The following PPHLN1 variants were observed in gnomAD, a reference collection of about 807,000 sequenced individuals.
PPHLN1 encodes the protein periphilin 1.
PPHLN1 carries 29 observed loss-of-function variants against 51.3 expected under a neutral mutation model. The observed-to-expected ratio is 0.57, with a 90% CI of 0.42 to 0.77. The LOEUF (loss-of-function observed/expected upper bound fraction) is 0.77. Ranked by LOEUF, PPHLN1 falls within the 30% of genes least tolerant of loss-of-function variation. The pLI, the probability that PPHLN1 is intolerant of heterozygous loss-of-function variation, is 0.00. For synonymous variants in PPHLN1, 147 were observed against 147.8 expected, an observed-to-expected ratio of 0.99 and a Z score of 0.04; for missense variants, 436 against 438.4, an observed-to-expected ratio of 0.99 and a Z score of 0.05.
At chr12:42,378,418 TG>T (rs953089880) in intron 5 of PPHLN1, among the ~76,000 whole-genome samples, 39 of 152,218 alleles carry the variant, frequency 2.6e-4, no homozygotes, top group African/African-American at 8.9e-4. Context: ...TTGCAGCACC[TG>T]GCTTTTTTTC....
intron 8 of PPHLN1, among the ~76,000 whole-genome samples, chr12:42,394,744 TC>T (rs556411070): frequency 1.2e-3 from 177 of 152,208 alleles, no homozygotes; most frequent in African/African-American, 4.1e-3. Context: ...ACCAAGCTGT[TC>T]CTTCTTGGTA....
At chr12:42,440,197 A>T (rs2082827412) in intron 9 of PPHLN1, among the ~76,000 whole-genome samples, 2 of 151,538 alleles carry the variant, frequency 1.3e-5, no homozygotes, top group Admixed American at 6.6e-5. Context: ...AATCTTGTAT[A>T]TATTTTGTTA....
downstream of PPHLN1, chr12:42,445,764 C>A: frequency 3.8e-6 from 2 of 528,766 alleles, no homozygotes; most frequent in Admixed American, 3.8e-5. Flanking sequence ...AGTAAAGACC[C>A]TGCAACACTA....
At position 42,399,612 on chromosome 12, in the gene PPHLN1, A is replaced by T. The variant is rs190460985; in HGVS notation, c.909+618A>T. 188 of 197,824 alleles carry T rather than the reference A, an allele frequency of 9.5e-4. 2 individuals carry two copies. The highest frequency in any genetic ancestry group is 4.6e-3 in the Admixed American group (70 of 15,356). The allele number at this position is 197,824 out of a possible 1,614,324, so 12.3% of individuals were successfully genotyped here. Reference sequence around the variant, plus strand: ...GCGTTGAATAAATGTAATTACATTGATAATAATATTCTAAAACCTATTGGA... The same window carrying T: ...GCGTTGAATAAATGTAATTACATTGTTAATAATATTCTAAAACCTATTGGA... On this transcript the variant is annotated intron_variant, in intron 9 of 9. Coordinates refer to ENST00000358314, the MANE Select transcript of PPHLN1 (RefSeq NM_201439.2).
downstream of PPHLN1, chr12:42,448,014 C>T (rs1297559103): frequency 6.6e-6 from 1 of 152,134 alleles, no homozygotes; most frequent in Non-Finnish European, 1.5e-5. Context: ...TTATTTGTTA[C>T]CCACCTTAGA....
intron 1 of PPHLN1, among the ~76,000 whole-genome samples, chr12:42,330,288 G>A (rs2069502530): frequency 6.6e-6 from 1 of 152,104 alleles, no homozygotes; most frequent in African/African-American, 2.4e-5. Flanking sequence ...GGAGGCAGAG[G>A]CCTTCCTCTT....
At chr12:42,413,678 C>T (rs1189887452) in intron 9 of PPHLN1, among the ~76,000 whole-genome samples, 1 of 151,760 alleles carries the variant, frequency 6.6e-6, no homozygotes, top group Non-Finnish European at 1.5e-5. Context: ...TCTCCTGTCT[C>T]AGCTTCTGGA....
At chr12:42,353,840 T>C (rs1253588663) in intron 3 of PPHLN1, among the ~76,000 whole-genome samples, 1 of 152,218 alleles carries the variant, frequency 6.6e-6, no homozygotes, top group African/African-American at 2.4e-5. Flanking sequence ...TAAAAACTTG[T>C]AGCATAATAA....
At chr12:42,437,134 C>T (rs751269192) in intron 9 of PPHLN1, among the ~76,000 whole-genome samples, 2 of 152,228 alleles carry the variant, frequency 1.3e-5, no homozygotes, top group Non-Finnish European at 2.9e-5. Flanking sequence ...GATGTCTAAG[C>T]TCCTTGAAGG....
At position 42,374,978 on chromosome 12, in the gene PPHLN1, G is replaced by T; in HGVS notation, c.415G>T (p.Asp139Tyr). The change falls in exon 5 of 10, where the codon GAT (aspartate) becomes TAT (tyrosine). Residue 139 changes from aspartate to tyrosine, a missense_variant. By Grantham distance (160) the Asp-to-Tyr change is radical (BLOSUM62 -3). Coordinates refer to ENST00000358314, the MANE Select transcript of PPHLN1 (RefSeq NM_201439.2). ...CAGAGAATCACCTGTTGGCCGAAAG[G>T]ATTCTCCACACAGCAGATCTGGTTC... Reference protein sequence around the residue: ...FFRESPVGRKDSPHSRSGSSV... With the variant: ...FFRESPVGRKYSPHSRSGSSV... The T allele has an allele frequency of 6.2e-7, 1 of 1,613,940 alleles. No individual in the cohort carries two copies. The highest frequency in any genetic ancestry group is 8.5e-7 in the Non-Finnish European group (1 of 1,179,952).
intron 9 of PPHLN1, among the ~76,000 whole-genome samples, chr12:42,427,240 A>C (rs957182035): frequency 1.3e-5 from 2 of 152,242 alleles, no homozygotes; most frequent in Non-Finnish European, 2.9e-5. Flanking sequence ...TTTTCTTTGG[A>C]TAATTCTCAA....
At chr12:42,360,041 G>C (rs1280582765) in intron 4 of PPHLN1, among the ~76,000 whole-genome samples, 1 of 149,970 alleles carries the variant, frequency 6.7e-6, no homozygotes, top group African/African-American at 2.5e-5. Context: ...TCAGGAGATG[G>C]AGGCTGCAGT....
intron 4 of PPHLN1, among the ~76,000 whole-genome samples, chr12:42,360,968 C>T (rs1251615406): frequency 5.9e-5 from 9 of 152,168 alleles, no homozygotes; most frequent in Non-Finnish European, 4.4e-5. Flanking sequence ...TGAATCATTT[C>T]CTGTTCCACT....
rs551331647 is a variant in PPHLN1, at chr12:42,381,180, ATTC to A, written c.512-3754_512-3752del. On this transcript the variant is annotated intron_variant, in intron 5 of 9. Transcript: ENST00000358314. ...ACTGTTGAATTAGATTCTATAACAT[ATTC>A]TTCTTGTTTGAGGATCCATTGTTTA... Among the ~76,000 whole-genome samples, 14 of 152,304 alleles carry A rather than the reference ATTC, an allele frequency of 9.2e-5. No homozygotes were observed. In the South Asian group the frequency reaches 2.7e-3, roughly 29 times the overall value.
At chr12:42,368,413 A>T (rs1478205893) in intron 4 of PPHLN1, among the ~76,000 whole-genome samples, 1 of 152,244 alleles carries the variant, frequency 6.6e-6, no homozygotes, top group Non-Finnish European at 1.5e-5. Context: ...GTTAAAAATG[A>T]GATAACTGAT....
chr12:42,419,086 T>C (rs2080743854), intron 9 of PPHLN1, among the ~76,000 whole-genome samples: 1 of 152,206 alleles, frequency 6.6e-6, no homozygotes, highest in South Asian at 2.1e-4. Context: ...ATTGGGGCTT[T>C]GAGTAGGGTT....
At position 42,394,682 on chromosome 12, in the gene PPHLN1, T is replaced by C. The variant is rs1427286627; in HGVS notation, c.768+993T>C. Among the ~76,000 whole-genome samples the C allele has an allele frequency of 2.0e-5, 3 of 152,082 alleles. No homozygotes were observed. In the East Asian group the frequency reaches 5.8e-4, roughly 29 times the overall value. On this transcript the variant is annotated intron_variant, in intron 8 of 9. Transcript: ENST00000358314. ...GTGGGTCAAGGTTTCCTCCTTATTG[T>C]AGCTATAATAATAGATATTTATGCA...
At chr12:42,444,978 C>T, downstream of PPHLN1, 1 of 690,100 alleles carries the variant, frequency 1.4e-6, no homozygotes, top group Non-Finnish European at 2.6e-6. Flanking sequence ...AATATTGGCC[C>T]TAGAAACTTT....
intron 5 of PPHLN1, among the ~76,000 whole-genome samples, chr12:42,375,606 GGCCA>G (rs551297143): frequency 5.0e-4 from 76 of 151,992 alleles, no homozygotes; most frequent in African/African-American, 1.6e-3. Context: ...CACTGCTCCT[GGCCA>G]GCCTTGTAAA....
Sources: allele counts gnomAD v4.1 joint callset (sites outside exome capture counted in the v4.1 genomes callset), GRCh38; gene constraint gnomAD v4.1.1; transcripts MANE v1.5; gene names NCBI Gene and HGNC (gene_info 2026-07-23, HGNC 2026-07-21).